PALM2AKAP2: variants seen among roughly 807,000 people sequenced by gnomAD.
The protein encoded by PALM2AKAP2 is PALM2 and AKAP2 fusion, also known as PALM2-AKAP2 fusion protein.
In PALM2AKAP2, 37 loss-of-function variants were observed where a neutral mutation model predicts 71.5. The ratio of observed to expected loss-of-function variants is 0.52; its 90% CI spans 0.40 to 0.68. PALM2AKAP2 has a LOEUF of 0.68. PALM2AKAP2 is among the 30% of genes least tolerant of loss of function. The pLI is 0.00. For missense variants in PALM2AKAP2, 1,224 were observed against 1,191.8 expected (o/e 1.03, Z -0.40); for synonymous variants, 468 against 478.8 (o/e 0.98, Z 0.29).
At chr9:109,765,637 C>T (rs1475600592) in intron 1 of PALM2AKAP2, 1 of 152,206 alleles carries the variant, frequency 6.6e-6, no homozygotes, top group Non-Finnish European at 1.5e-5. Context: ...TTAGAGCAAC[C>T]CGCCTTTAAA....
At chr9:109,897,144 C>G (rs1564200152) in intron 3 of PALM2AKAP2, among the ~76,000 whole-genome samples, 1 of 152,216 alleles carries the variant, frequency 6.6e-6, no homozygotes, top group Non-Finnish European at 1.5e-5. Flanking sequence ...AAGCATTCTT[C>G]CCTTCGTCAC....
chr9:110,038,169 C>T (rs1166955702), intron 7 of PALM2AKAP2, among the ~76,000 whole-genome samples: 2 of 151,954 alleles, frequency 1.3e-5, no homozygotes, highest in Non-Finnish European at 2.9e-5. Context: ...GCAAGACCTC[C>T]CTCTCTACAA....
intron 1 of PALM2AKAP2, among the ~76,000 whole-genome samples, chr9:109,825,735 A>T (rs1447392327): frequency 6.6e-6 from 1 of 152,174 alleles, no homozygotes; most frequent in Non-Finnish European, 1.5e-5. Flanking sequence ...AGAGGATGTG[A>T]AGAAATAGGA....
chr9:110,057,254 G>C (rs1213431994), intron 1 of PALM2AKAP2, among the ~76,000 whole-genome samples: 1 of 151,792 alleles, frequency 6.6e-6, no homozygotes, highest in Non-Finnish European at 1.5e-5. Context: ...AATCTTTATA[G>C]TCACCAGCAT....
At chr9:110,115,393 G>C (rs1248475863) in intron 1 of PALM2AKAP2, among the ~76,000 whole-genome samples, 3 of 152,214 alleles carry the variant, frequency 2.0e-5, no homozygotes, top group Admixed American at 2.0e-4. Context: ...CCCTTGTAGA[G>C]AGTGGCATCC....
intron 1 of PALM2AKAP2, among the ~76,000 whole-genome samples, chr9:109,671,337 C>G (rs191863387): frequency 6.6e-6 from 1 of 152,172 alleles, no homozygotes; most frequent in Non-Finnish European, 1.5e-5. Flanking sequence ...GCCAGTTATC[C>G]TAGCACCATT....
intron 2 of PALM2AKAP2, among the ~76,000 whole-genome samples, chr9:110,142,789 A>G (rs576913005): frequency 6.6e-6 from 1 of 152,354 alleles, no homozygotes; most frequent in South Asian, 2.1e-4. Flanking sequence ...AAACAGAAAT[A>G]GATTTGGAGC....
chr9:109,983,176 G>A (rs961651095), intron 6 of PALM2AKAP2, among the ~76,000 whole-genome samples: 6 of 152,166 alleles, frequency 3.9e-5, no homozygotes, highest in Non-Finnish European at 7.3e-5. Flanking sequence ...TCAGGATAGC[G>A]GACTCACATT....
intron 1 of PALM2AKAP2, among the ~76,000 whole-genome samples, chr9:109,796,144 C>T (rs1017531227): frequency 6.6e-6 from 1 of 152,132 alleles, no homozygotes; most frequent in South Asian, 2.1e-4. Context: ...TCTTGTGGAA[C>T]CTATGGGTCG....
intron 1 of PALM2AKAP2, among the ~76,000 whole-genome samples, chr9:110,113,243 CTTTT>C (rs55734110): frequency 7.2e-6 from 1 of 139,684 alleles, no homozygotes. Flanking sequence ...TTGTTTTTTT[CTTTT>C]TTTTTTTTTT....
rs1588031214 is a variant in PALM2AKAP2, at chr9:109,954,663, A to G, written c.496+22635A>G. Among the ~76,000 whole-genome samples, 6 of 142,624 alleles carry G rather than the reference A, an allele frequency of 4.2e-5. No homozygotes were observed. In the South Asian group the frequency reaches 1.3e-3, roughly 31 times the overall value. The allele number at this position is 142,624 out of a possible 152,430, so 93.6% of individuals were successfully genotyped here. ...CCCTAAAACTTAAAGTATAATAAAA[A>G]AAAAAAAAAAAAAAAAAAGAAGTTA... On this transcript the variant is annotated intron_variant, in intron 6 of 9. Transcript: ENST00000302798.
upstream of PALM2AKAP2, chr9:110,048,608 G>A (rs1007541680): frequency 9.8e-6 from 13 of 1,331,456 alleles, no homozygotes; most frequent in Non-Finnish European, 1.3e-5. Flanking sequence ...TACTGGAGGG[G>A]AAGCGAGGAG....
chr9:109,640,794 T>G, exon 1 of PALM2AKAP2: 2 of 1,493,530 alleles, frequency 1.3e-6, no homozygotes, highest in Non-Finnish European at 1.8e-6. Flanking sequence ...GCCAGTGCAC[T>G]CGGCTCCGGG....
chr9:109,882,029 G>T (rs185079865), intron 3 of PALM2AKAP2, among the ~76,000 whole-genome samples: 359 of 151,856 alleles, frequency 2.4e-3, no homozygotes, highest in African/African-American at 8.0e-3. Flanking sequence ...GACTACAGGC[G>T]TGCACCAACC....
intron 6 of PALM2AKAP2, among the ~76,000 whole-genome samples, chr9:109,983,719 G>A (rs897102835): frequency 3.3e-5 from 5 of 151,912 alleles, no homozygotes; most frequent in African/African-American, 1.2e-4. Context: ...ACCAAAATTA[G>A]CCAGGCATGA....
rs368493253 is a variant in PALM2AKAP2, at chr9:109,884,334, C to T, written c.257+3653C>T. Among the ~76,000 whole-genome samples the T allele has an allele frequency of 1.1e-4, 17 of 151,988 alleles. 1 individual carries two copies. The highest frequency in any genetic ancestry group is 1.9e-4 in the East Asian group (1 of 5,180). ...AAAATTAGATGAGTGTGGTGATGGT[C>T]GCCTGCAATCCCAGCTACTTGGGAG... On this transcript the variant is annotated intron_variant, in intron 3 of 9. Coordinates refer to the PALM2AKAP2 transcript ENST00000302798.
At position 110,140,636 on chromosome 9, in the gene PALM2AKAP2, G is replaced by T. The variant is rs191874292; in HGVS notation, c.2569+2097G>T. On this transcript the variant is annotated intron_variant, in intron 2 of 3. Transcript: ENST00000374525. ...ATTTGTGACCACCTTCTTGACAAAA[G>T]ATACTTAGTTTTTATTATCTGTAAT... Among the ~76,000 whole-genome samples the T allele has an allele frequency of 2.4e-3, 361 of 149,924 alleles. 2 individuals are homozygous for T. Among genetic ancestry groups the T allele is most frequent in the Non-Finnish European group, 4.1e-3 (279 of 67,444 alleles).
At chr9:109,699,452 A>T (rs1174001611) in intron 1 of PALM2AKAP2, among the ~76,000 whole-genome samples, 2 of 152,252 alleles carry the variant, frequency 1.3e-5, no homozygotes, top group Admixed American at 1.3e-4. Context: ...TGTTTATTGT[A>T]GCATTATTTA....
At position 109,932,029 on chromosome 9, in the gene PALM2AKAP2, G is replaced by T. The variant is rs765108654; in HGVS notation, c.496+1G>T. The T allele has an allele frequency of 6.2e-7, 1 of 1,611,850 alleles. No homozygotes were observed. Among genetic ancestry groups the T allele is most frequent in the Non-Finnish European group, 8.5e-7 (1 of 1,178,734 alleles). On this transcript the variant is annotated splice_donor_variant, in intron 6 of 9. Transcript: ENST00000302798. LOFTEE classifies it high-confidence loss of function. ...CAGGACGGGACCAGCAGAGCGGCTG[G>T]TAAGTCCTGGGGACCTTTGGACGCT...
Sources: gnomAD v4.1 joint callset for allele counts (sites outside exome capture counted in the v4.1 genomes callset) on GRCh38, gnomAD v4.1.1 for gene constraint, MANE v1.5 for transcripts, NCBI Gene and HGNC (gene_info 2026-07-23, HGNC 2026-07-21) for gene names.